PCDHGA7: variants seen among roughly 807,000 people sequenced by gnomAD.
PCDHGA7 encodes protocadherin gamma subfamily A, 7.
Under a neutral mutation model 58.3 loss-of-function variants are expected in PCDHGA7, and 44 were observed. The ratio of observed to expected loss-of-function variants is 0.75; its 90% CI spans 0.59 to 0.97. The LOEUF (loss-of-function observed/expected upper bound fraction) is 0.97. Ranked by LOEUF, PCDHGA7 falls within the 50% of genes least tolerant of loss-of-function variation. PCDHGA7 has a pLI of 0.00. For synonymous variants in PCDHGA7, 516 were observed against 504.2 expected (o/e 1.02, Z -0.31); for missense variants, 1,266 against 1,188.7 (o/e 1.06, Z -0.96).
At position 141,398,766 on chromosome 5, in the gene PCDHGA7, T is replaced by A. The variant is rs775055352; in HGVS notation, c.2424+13443T>A. On this transcript the variant is annotated intron_variant, in intron 1 of 3. Coordinates refer to ENST00000518325, the MANE Select transcript of PCDHGA7 (RefSeq NM_018920.4). ...AGAGTTACCATCGTTTAGTCCTGACTGCCTTGGACGGTGGACATCCACCCC... is the reference window on the plus strand; with the variant it reads ...AGAGTTACCATCGTTTAGTCCTGACAGCCTTGGACGGTGGACATCCACCCC... 2.1e-5 allele frequency: 34 copies of A among 1,613,844 alleles called. 1 individual carries two copies. In the South Asian group the frequency reaches 3.1e-4, roughly 15 times the overall value.
intron 1 of PCDHGA7, among the ~76,000 whole-genome samples, chr5:141,465,219 C>A (rs1272266733): frequency 6.6e-6 from 1 of 152,004 alleles, no homozygotes; most frequent in Non-Finnish European, 1.5e-5. Context: ...TATTTTTCAA[C>A]ATGAGCTCCA....
chr5:141,486,565 TC>T lies in PCDHGA7; in HGVS notation c.2425-8240del. The T allele has an allele frequency of 6.2e-7, 1 of 1,614,024 alleles. No homozygotes were observed. The highest frequency in any genetic ancestry group is 2.2e-5 in the East Asian group (1 of 44,880). On this transcript the variant is annotated intron_variant, in intron 1 of 3. Transcript: ENST00000518325. This position sits in a 1 kb window ranked among gnomAD's most constrained non-coding sequence, Gnocchi z 5.0. Reference sequence around the variant, plus strand: ...TTCAGAGGTCACATGAGGTGTTTGTTCCTGAGAACAATCGCCCAGGGGACCT... The same window carrying T: ...TTCAGAGGTCACATGAGGTGTTTGTTCTGAGAACAATCGCCCAGGGGACCT...
At chr5:141,422,849 C>T in intron 1 of PCDHGA7, 1 of 1,614,238 alleles carries the variant, frequency 6.2e-7, no homozygotes, top group Non-Finnish European at 8.5e-7. Context: ...AGCGGGGACC[C>T]GCCCCTCAGC....
At chr5:141,388,333 C>G (rs962073146) in intron 1 of PCDHGA7, 1 of 1,613,738 alleles carries the variant, frequency 6.2e-7, no homozygotes, top group African/African-American at 1.3e-5. Flanking sequence ...CAGCCTGGCA[C>G]ACGATTTATA....
chr5:141,490,611 G>A lies in PCDHGA7; in HGVS notation c.2425-4196G>A, dbSNP rs1442281165. 1 of 1,614,052 alleles carries A rather than the reference G, an allele frequency of 6.2e-7. No homozygotes were observed. The highest frequency in any genetic ancestry group is 1.3e-5 in the African/African-American group (1 of 74,914). On this transcript the variant is annotated intron_variant, in intron 1 of 3. Coordinates refer to ENST00000518325, the MANE Select transcript of PCDHGA7 (RefSeq NM_018920.4). This position sits in a 1 kb window ranked among gnomAD's most constrained non-coding sequence, Gnocchi z 5.4. ...ACAATGCACCCCGCTTCAACCAGCA[G>A]CTTTACACTGCTTACATCCTAGAAA...
At position 141,430,677 on chromosome 5, in the gene PCDHGA7, T is replaced by C. The variant is rs888907330; in HGVS notation, c.2424+45354T>C. On this transcript the variant is annotated intron_variant, in intron 1 of 3. Coordinates refer to ENST00000518325, the MANE Select transcript of PCDHGA7 (RefSeq NM_018920.4). ...AACGGAGGAGCTCTGACTTCCCAAC[T>C]GTCCCATTCTATGGGCGAAGGAACT... 1.2e-5 allele frequency: 15 copies of C among 1,303,020 alleles called. No individual in the cohort carries two copies. In the African/African-American group the frequency reaches 2.1e-4, roughly 18 times the overall value. The allele number at this position is 1,303,020 out of a possible 1,614,324, so 80.7% of individuals were successfully genotyped here. A position where few individuals can be genotyped will look rare whatever the true frequency, so the allele number is the denominator to read the frequency against.
At chr5:141,500,499 G>A (rs531501031) in intron 2 of PCDHGA7, among the ~76,000 whole-genome samples, 11 of 151,970 alleles carry the variant, frequency 7.2e-5, no homozygotes, top group African/African-American at 2.7e-4. Context: ...GTGAGCCACC[G>A]CGCCTGGCCG....
chr5:141,508,961 A>G (rs991011427), intron 3 of PCDHGA7, among the ~76,000 whole-genome samples: 2 of 151,978 alleles, frequency 1.3e-5, no homozygotes, highest in Non-Finnish European at 2.9e-5. Flanking sequence ...TGTCAGCGGA[A>G]TGAAAGGGCT....
intron 1 of PCDHGA7, chr5:141,395,873 G>A (rs1430280971): frequency 6.6e-6 from 1 of 152,046 alleles, no homozygotes; most frequent in Non-Finnish European, 1.5e-5. Flanking sequence ...TTAAGTATGT[G>A]AGTCAGTGGT....
chr5:141,393,303 G>A (rs1305361582), intron 1 of PCDHGA7: 5 of 1,613,646 alleles, frequency 3.1e-6, no homozygotes, highest in Non-Finnish European at 3.4e-6. Context: ...GGATGTGGGC[G>A]TGAACTCCCT....
chr5:141,421,443 G>A (rs1561793987), intron 1 of PCDHGA7: 4 of 1,614,106 alleles, frequency 2.5e-6, no homozygotes, highest in Non-Finnish European at 2.5e-6. Flanking sequence ...CCAGAGGGAA[G>A]ACACAGCTTT....
rs548263490 is a variant in PCDHGA7, at chr5:141,390,417, A to G, written c.2424+5094A>G. On this transcript the variant is annotated intron_variant, in intron 1 of 3. Transcript: ENST00000518325. ...CATTTTAGGAAAGTTGTAGTCAGTT[A>G]AAAAGCTGTCATATCATTCTACAAA... 4 of 1,127,796 alleles carry G rather than the reference A, an allele frequency of 3.5e-6. No homozygotes were observed. The South Asian group carries it at 4.8e-5, about 13-fold the overall frequency. 69.9% of individuals were successfully genotyped at this position (1,127,796 alleles called of 1,614,324 possible). A position where few individuals can be genotyped will look rare whatever the true frequency, so the allele number is the denominator to read the frequency against.
At chr5:141,418,131 A>C (rs1421799777) in intron 1 of PCDHGA7, 1 of 1,614,044 alleles carries the variant, frequency 6.2e-7, no homozygotes, top group East Asian at 2.2e-5. Flanking sequence ...GACCGAATAG[A>C]CCGTGAGCAA....
chr5:141,490,344 AGTGGGGTTGTTTAAT>A lies in PCDHGA7; in HGVS notation c.2425-4459_2425-4445del. The A allele has an allele frequency of 6.2e-7, 1 of 1,614,178 alleles. No individual in the cohort carries two copies. The highest frequency in any genetic ancestry group is 8.5e-7 in the Non-Finnish European group (1 of 1,180,030). ...TAGAGAGCACACCAGTGGGCACAGT[AGTGGGGTTGTTTAAT>A]GTGCGAGACCGGGACTCAGGTAGAA... On this transcript the variant is annotated intron_variant, in intron 1 of 3. Coordinates refer to ENST00000518325, the MANE Select transcript of PCDHGA7 (RefSeq NM_018920.4). This position sits in a 1 kb window ranked among gnomAD's most constrained non-coding sequence, Gnocchi z 5.4.
At chr5:141,421,587 G>T (rs758433133) in intron 1 of PCDHGA7, 6 of 1,613,900 alleles carry the variant, frequency 3.7e-6, no homozygotes, top group Non-Finnish European at 4.2e-6. Flanking sequence ...TTTACGGAGT[G>T]GAGGTGGAAA....
chr5:141,458,413 G>T lies in PCDHGA7; in HGVS notation c.2425-36394G>T, dbSNP rs138479316. On this transcript the variant is annotated intron_variant, in intron 1 of 3. Coordinates refer to ENST00000518325, the MANE Select transcript of PCDHGA7 (RefSeq NM_018920.4). ...TCCCCCTTGCAGAGACGGAGCGGGG[G>T]TTCCAAAGCTGAAAGAGGAGGTCCC... Among the ~76,000 whole-genome samples the T allele has an allele frequency of 9.0e-4, 137 of 152,196 alleles. 5 individuals carry two copies. The East Asian group carries it at 0.026, about 28-fold the overall frequency.
chr5:141,464,517 G>A lies in PCDHGA7; in HGVS notation c.2425-30290G>A, dbSNP rs1487703873. 2.0e-5 allele frequency among the ~76,000 whole-genome samples: 3 copies of A among 151,862 alleles called. No individual in the cohort carries two copies. In the South Asian group the frequency reaches 6.2e-4, roughly 32 times the overall value. On this transcript the variant is annotated intron_variant, in intron 1 of 3. Transcript: ENST00000518325. ...GTGATTGCTGCATCATAAGGTAAAG[G>A]CATATGTAGTTTTGTTAAATATAGC...
intron 1 of PCDHGA7, chr5:141,393,547 C>T (rs761723933): frequency 4.3e-6 from 7 of 1,613,938 alleles, no homozygotes; most frequent in South Asian, 1.1e-5. Flanking sequence ...TTTCCTCACC[C>T]GATTTACCGA....
chr5:141,499,418 A>G (rs143234735), intron 2 of PCDHGA7, among the ~76,000 whole-genome samples: 1 of 152,296 alleles, frequency 6.6e-6, no homozygotes, highest in East Asian at 1.9e-4. Context: ...GAAACATGAA[A>G]AATAGAAAAA....
Sources: gnomAD v4.1 joint callset for allele counts (sites outside exome capture counted in the v4.1 genomes callset) on GRCh38, gnomAD v4.1.1 for gene constraint, Gnocchi (gnomAD v3.1) non-coding constraint, MANE v1.5 for transcripts, NCBI Gene and HGNC (gene_info 2026-07-23, HGNC 2026-07-21) for gene names.